The following PUDP variants were observed in gnomAD, a reference collection of about 807,000 sequenced individuals.
PUDP encodes the protein pseudouridine-5'-phosphatase.
Under a neutral mutation model 9.4 loss-of-function variants are expected in PUDP, and 8 were observed. The observed-to-expected ratio is 0.85, with a 90% CI of 0.50 to 1.53. The LOEUF (loss-of-function observed/expected upper bound fraction) is 1.53. Among genes scored for constraint, PUDP ranks in the 40% most tolerant of loss-of-function variants. The pLI, the probability that PUDP is intolerant of heterozygous loss-of-function variation, is 0.00. For missense variants in PUDP, 188 were observed against 189.7 expected, an observed-to-expected ratio of 0.99 and a Z score of 0.05; for synonymous variants, 99 against 80.7, an observed-to-expected ratio of 1.23 and a Z score of -1.22.
At chrX:6,947,288 C>T (rs192643664) in intron 3 of PUDP, among the ~76,000 whole-genome samples, 225 of 111,362 alleles carry the variant, frequency 2.0e-3, no homozygotes, top group African/African-American at 7.2e-3. Flanking sequence ...GCTGGGATTA[C>T]AGGCATGAGT....
chrX:6,780,100 A>C (rs1432294205), intron 3 of PUDP, among the ~76,000 whole-genome samples: 1 of 80,757 alleles, frequency 1.2e-5, no homozygotes, highest in African/African-American at 3.8e-5. Context: ...AAAGCAAAGG[A>C]AAAAATCCTT....
chrX:6,967,422 G>C lies in PUDP; in HGVS notation c.*247+9711C>G, dbSNP rs181982040. 6.3e-5 allele frequency among the ~76,000 whole-genome samples: 7 copies of C among 111,846 alleles called. No individual in the cohort carries two copies. The East Asian group carries it at 2.0e-3, about 32-fold the overall frequency. On this transcript the variant is annotated intron_variant and NMD_transcript_variant, in intron 3 of 3. Coordinates refer to the PUDP transcript ENST00000655425. The stretch of plus-strand genomic sequence containing the variant: ...CGTCCCTGTGACCCTCTGGAGCTCT[G>C]AGAGGATCCAAGAGAATACAGCTCT...
intron 1 of PUDP, among the ~76,000 whole-genome samples, chrX:6,713,400 ATTT>A (rs1303480968): frequency 9.1e-6 from 1 of 109,837 alleles, no homozygotes; most frequent in Non-Finnish European, 1.9e-5. Context: ...TACTCATACA[ATTT>A]TTTTTTCACT....
chrX:7,089,183 A>C (rs369564648), intron 2 of PUDP, among the ~76,000 whole-genome samples: 2 of 111,320 alleles, frequency 1.8e-5, no homozygotes, highest in African/African-American at 3.3e-5. Flanking sequence ...CACAGGTGGG[A>C]GCCTTCTCCA....
chrX:6,898,939 T>G (rs1480525409), intron 3 of PUDP, among the ~76,000 whole-genome samples: 2 of 111,653 alleles, frequency 1.8e-5, no homozygotes, highest in African/African-American at 6.5e-5. Context: ...CTAAGATTTC[T>G]GTCTTACTAT....
chrX:6,796,914 T>C (rs1262920877), intron 3 of PUDP, among the ~76,000 whole-genome samples: 2 of 112,295 alleles, frequency 1.8e-5, no homozygotes, highest in Non-Finnish European at 3.8e-5. Flanking sequence ...GAAATGTTCA[T>C]CATTGTAGTC....
chrX:6,715,062 A>G (rs925191174), intron 1 of PUDP, among the ~76,000 whole-genome samples: 2 of 110,319 alleles, frequency 1.8e-5, no homozygotes, highest in Non-Finnish European at 3.8e-5. Context: ...AAATGTATAT[A>G]TACACATAAA....
intron 3 of PUDP, among the ~76,000 whole-genome samples, chrX:6,848,358 C>G (rs759966167): frequency 8.9e-6 from 1 of 112,095 alleles, no homozygotes; most frequent in Non-Finnish European, 1.9e-5. Context: ...CATCAGGCAA[C>G]TAGTAATTTG....
chrX:7,026,189 C>T (rs1203709740), intron 1 of PUDP, among the ~76,000 whole-genome samples: 2 of 112,240 alleles, frequency 1.8e-5, no homozygotes, highest in Non-Finnish European at 3.8e-5. Flanking sequence ...CAAGGCTTCA[C>T]TATCCTTGCA....
intron 1 of PUDP, among the ~76,000 whole-genome samples, chrX:6,709,551 C>T (rs1391488364): frequency 8.9e-6 from 1 of 112,045 alleles, no homozygotes; most frequent in Non-Finnish European, 1.9e-5. Context: ...GGGTTTAGTA[C>T]GAGAGTCATT....
Position 7,105,781 on chromosome X carries a change from T to C in PUDP, c.119A>G (p.Lys40Arg), listed in dbSNP as rs760675082. 4.1e-6 allele frequency: 5 copies of C among 1,207,661 alleles called. No homozygotes were observed. The African/African-American group carries it at 8.8e-5, about 21-fold the overall frequency. Residue 40 changes from lysine to arginine, a missense_variant, in exon 2 of 4, where the codon AAA becomes AGA. By Grantham distance (26) the Lys-to-Arg change is conservative (BLOSUM62 2). Transcript: ENST00000381077. ...FQEICNRYDK[K>R]YSWDVKSLVM... ...CAGGGACTTTACATCCCAGCTGTAT[T>C]TCTTGTCATAGCGATTACATATTTC...
rs1208723195 is a variant in PUDP, at chrX:7,075,559, T to C, written c.510+1661A>G. Among the ~76,000 whole-genome samples the C allele has an allele frequency of 8.1e-5, 9 of 111,465 alleles. No individual in the cohort carries two copies. In the Admixed American group the frequency reaches 8.5e-4, roughly 11 times the overall value. On this transcript the variant is annotated intron_variant, in intron 3 of 3. Transcript: ENST00000381077. ...CTGGAACTTTCAGCCCTCCCCCTCA[T>C]CTCCAGGGAGGGCACCTTGGCCTGG...
At chrX:7,041,080 G>C (rs975123009) in intron 1 of PUDP, among the ~76,000 whole-genome samples, 16 of 112,065 alleles carry the variant, frequency 1.4e-4, no homozygotes, top group Admixed American at 1.3e-3. Flanking sequence ...TTAAACAGGC[G>C]ATGAGCAGAG....
intron 1 of PUDP, among the ~76,000 whole-genome samples, chrX:7,120,482 A>G (rs1487611920): frequency 8.9e-6 from 1 of 111,932 alleles, no homozygotes; most frequent in Non-Finnish European, 1.9e-5. Context: ...ACTGAGACCA[A>G]TTCTGGTGTC....
At chrX:6,720,258 G>GTGTGTATATATATATATATA (rs1555907522) in intron 1 of PUDP, among the ~76,000 whole-genome samples, 3 of 48,799 alleles carry the variant, frequency 6.1e-5, no homozygotes, top group African/African-American at 2.1e-4. Flanking sequence ...GTGTGTGTGT[G>GTGTGTATATATATATATATA]TATATATATA....
At chrX:6,751,325 C>G (rs976920165) in intron 3 of PUDP, among the ~76,000 whole-genome samples, 4 of 111,478 alleles carry the variant, frequency 3.6e-5, no homozygotes, top group South Asian at 3.8e-4. Flanking sequence ...TTCATCATTG[C>G]TATAGATGGA....
intron 3 of PUDP, among the ~76,000 whole-genome samples, chrX:6,933,079 G>A (rs1310450956): frequency 2.7e-5 from 3 of 110,760 alleles, no homozygotes; most frequent in Non-Finnish European, 5.7e-5. Context: ...AACCTCTGCA[G>A]ACTTAAATGT....
chrX:6,825,376 C>T (rs1371212898), intron 3 of PUDP, among the ~76,000 whole-genome samples: 1 of 111,381 alleles, frequency 9.0e-6, no homozygotes, highest in East Asian at 2.8e-4. Flanking sequence ...GGGTCATTCC[C>T]TGCCCACCCG....
chrX:6,939,030 TG>T (rs939485509), intron 3 of PUDP, among the ~76,000 whole-genome samples: 1 of 110,637 alleles, frequency 9.0e-6, no homozygotes, highest in African/African-American at 3.3e-5. Context: ...TTGGTTCTTT[TG>T]ATTTATGCAA....
Sources: gnomAD v4.1 joint callset for allele counts (sites outside exome capture counted in the v4.1 genomes callset) on GRCh38, gnomAD v4.1.1 for gene constraint, MANE v1.5 for transcripts, NCBI Gene and HGNC (gene_info 2026-07-23, HGNC 2026-07-21) for gene names.